The following RYR2 variants were observed in gnomAD, a reference collection of about 807,000 sequenced individuals.
RYR2 encodes the protein cardiac muscle ryanodine receptor-calcium release channel.
In RYR2, 227 loss-of-function variants were observed where a neutral mutation model predicts 601.1. The ratio of observed to expected loss-of-function variants is 0.38; its 90% CI spans 0.34 to 0.42. RYR2 has a LOEUF of 0.42. RYR2 is among the 10% of genes least tolerant of loss of function. The probability of loss-of-function intolerance (pLI) is 1.00; values close to 1 mark genes in which losing one functional copy is unlikely to be tolerated. For synonymous variants in RYR2, 2,223 were observed against 2,175.1 expected (o/e 1.02, Z -0.61); for missense variants, 4,646 against 6,156.5 (o/e 0.75, Z 8.21).
At chr1:237,472,455 C>A (rs578243582) in intron 17 of RYR2, among the ~76,000 whole-genome samples, 1 of 152,118 alleles carries the variant, frequency 6.6e-6, no homozygotes, top group Non-Finnish European at 1.5e-5. Context: ...CCTGAAACAC[C>A]TCGTTTACCA....
At chr1:237,424,880 A>C (rs1322450523) in intron 12 of RYR2, among the ~76,000 whole-genome samples, 1 of 152,204 alleles carries the variant, frequency 6.6e-6, no homozygotes, top group African/African-American at 2.4e-5. Context: ...TTGTCACTGG[A>C]GGCCACTGAC....
chr1:237,186,314 T>C (rs1679330810), intron 1 of RYR2, among the ~76,000 whole-genome samples: 2 of 152,202 alleles, frequency 1.3e-5, no homozygotes, highest in Non-Finnish European at 2.9e-5. Context: ...TGGTTATGTT[T>C]GCCTCTTTTA....
intron 35 of RYR2, among the ~76,000 whole-genome samples, chr1:237,603,897 T>A (rs1238487205): frequency 6.6e-6 from 1 of 152,120 alleles, no homozygotes; most frequent in Non-Finnish European, 1.5e-5. Context: ...ATGCACCCAA[T>A]ACAGGAGCAC....
chr1:237,159,275 G>A (rs1675741617), intron 1 of RYR2, among the ~76,000 whole-genome samples: 1 of 152,052 alleles, frequency 6.6e-6, no homozygotes, highest in Non-Finnish European at 1.5e-5. Context: ...TGGGCAACAA[G>A]AGTGAAACTC....
intron 68 of RYR2, among the ~76,000 whole-genome samples, 160 bp downstream of exon 68, chr1:237,707,429 C>A (rs1688473660): frequency 6.6e-6 from 1 of 152,072 alleles, no homozygotes; most frequent in African/African-American, 2.4e-5. Flanking sequence ...TAGATAAAAA[C>A]AGGCATTGGG....
rs775183266 is a variant in RYR2, at chr1:237,711,816, T to A, written c.10302T>A (p.Asp3434Glu). The change falls in exon 71 of 105, where the codon GAT becomes GAA. Residue 3434 changes from aspartate to glutamate, a missense_variant. By Grantham distance (45) the Asp-to-Glu change is conservative. Coordinates refer to ENST00000366574, the MANE Select transcript of RYR2 (RefSeq NM_001035.3). ...EINNMSFLIT[D>E]TKSKMSKAAV... ...ACAATATGTCTTTCCTTATTACTGATACCAAGTCAAAGATGTCAAAGGTAT... is the reference window on the plus strand; with the variant it reads ...ACAATATGTCTTTCCTTATTACTGAAACCAAGTCAAAGATGTCAAAGGTAT... The A allele has an allele frequency of 5.3e-6, 8 of 1,499,216 alleles. No individual in the cohort carries two copies. The South Asian group carries it at 6.8e-5, about 13-fold the overall frequency. The allele number at this position is 1,499,216 out of a possible 1,614,324, so 92.9% of individuals were successfully genotyped here.
chr1:237,609,652 A>T (rs930238605), intron 35 of RYR2, among the ~76,000 whole-genome samples: 2 of 152,036 alleles, frequency 1.3e-5, no homozygotes, highest in Non-Finnish European at 2.9e-5. Context: ...GGCGTGAGCC[A>T]TGGTGCCTAG....
intron 12 of RYR2, among the ~76,000 whole-genome samples, chr1:237,430,719 T>G (rs1280738869): frequency 6.6e-6 from 1 of 152,252 alleles, no homozygotes; most frequent in Non-Finnish European, 1.5e-5. Context: ...TTTGATTTGT[T>G]TATTTAGGAT....
chr1:237,409,529 T>G (rs1186339834), intron 10 of RYR2, among the ~76,000 whole-genome samples: 2 of 152,178 alleles, frequency 1.3e-5, no homozygotes, highest in Non-Finnish European at 2.9e-5. Flanking sequence ...CTATCATACT[T>G]GTATTCAAAC....
intron 1 of RYR2, among the ~76,000 whole-genome samples, chr1:237,169,169 G>A (rs1390427074): frequency 1.3e-5 from 2 of 152,096 alleles, no homozygotes; most frequent in Non-Finnish European, 2.9e-5. Flanking sequence ...GTGTCAACAT[G>A]TATTCATCAT....
intron 35 of RYR2, among the ~76,000 whole-genome samples, chr1:237,606,450 A>G (rs930579545): frequency 5.9e-5 from 9 of 152,250 alleles, no homozygotes; most frequent in Admixed American, 2.0e-4. Flanking sequence ...TGTTCGACCT[A>G]AAACCATAAA....
rs1043995690 is a variant in RYR2, at chr1:237,201,336, C to A, written c.49-69161C>A. On this transcript the variant is annotated intron_variant, in intron 1 of 104. Coordinates refer to ENST00000366574, the MANE Select transcript of RYR2 (RefSeq NM_001035.3). Reference sequence around the variant, plus strand: ...TTTTACTGGAAGAACTTGATCTCGACGGCTATCTGCTTTTGTTTTTCCCTA... The same window carrying A: ...TTTTACTGGAAGAACTTGATCTCGAAGGCTATCTGCTTTTGTTTTTCCCTA... 2.0e-5 allele frequency among the ~76,000 whole-genome samples: 3 copies of A among 152,136 alleles called. No individual in the cohort carries two copies. In the East Asian group the frequency reaches 5.8e-4, roughly 29 times the overall value.
intron 10 of RYR2, among the ~76,000 whole-genome samples, chr1:237,392,197 G>A (rs1702441418): frequency 6.6e-6 from 1 of 152,066 alleles, no homozygotes; most frequent in African/African-American, 2.4e-5. Flanking sequence ...TAGTTGGGAA[G>A]GGATGTGTCA....
intron 11 of RYR2, among the ~76,000 whole-genome samples, chr1:237,421,837 ACAT>A (rs1282663144): frequency 1.3e-4 from 20 of 152,160 alleles, no homozygotes; most frequent in Non-Finnish European, 2.4e-4. Flanking sequence ...AAGCTTTACA[ACAT>A]TCATTATTTT....
rs567604830 is a variant in RYR2 at position 237,503,762 on chromosome 1, C to A, written c.2613+257C>A. ...GTGCTCTGTTGTCCAGGCTGGAGTG[C>A]AGTGGTGCAATCTCGGCTCGCTGCA... On this transcript the variant is annotated intron_variant, in intron 22 of 104. Coordinates refer to ENST00000366574, the MANE Select transcript of RYR2 (RefSeq NM_001035.3). Among the ~76,000 whole-genome samples, 10 of 152,242 alleles carry A rather than the reference C, an allele frequency of 6.6e-5. No homozygotes were observed. In the East Asian group the frequency reaches 1.9e-3, roughly 29 times the overall value.
intron 63 of RYR2, among the ~76,000 whole-genome samples, chr1:237,688,423 T>C (rs1425175923): frequency 1.3e-5 from 2 of 152,052 alleles, no homozygotes; most frequent in African/African-American, 2.4e-5. Context: ...CATATATATA[T>C]ATACACACAC....
At chr1:237,093,417 C>A (rs1303506152) in intron 1 of RYR2, among the ~76,000 whole-genome samples, 1 of 152,196 alleles carries the variant, frequency 6.6e-6, no homozygotes, top group Non-Finnish European at 1.5e-5. Flanking sequence ...GCTGCCCGGG[C>A]AGTCACCTGG....
intron 1 of RYR2, among the ~76,000 whole-genome samples, chr1:237,199,450 G>A (rs169166): frequency 0.51 from 76,850 of 152,154 alleles, 20,851 homozygotes; most frequent in Non-Finnish European, 0.6. Flanking sequence ...AGGGCAGGAA[G>A]CATCCAGCAC....
At chr1:237,160,430 C>T (rs1195708828) in intron 1 of RYR2, among the ~76,000 whole-genome samples, 3 of 152,068 alleles carry the variant, frequency 2.0e-5, no homozygotes, top group Non-Finnish European at 4.4e-5. Flanking sequence ...ATGCTCTTTT[C>T]TATTATCTAG....
Sources: allele counts gnomAD v4.1 joint callset (sites outside exome capture counted in the v4.1 genomes callset), GRCh38; gene constraint gnomAD v4.1.1; transcripts MANE v1.5; gene names NCBI Gene and HGNC (gene_info 2026-07-23, HGNC 2026-07-21).